SIPA1L1: variants seen among roughly 807,000 people sequenced by gnomAD.
The protein encoded by SIPA1L1 is signal induced proliferation associated 1 like 1, also known as signal-induced proliferation-associated 1-like protein 1.
In SIPA1L1, 26 loss-of-function variants were observed where a neutral mutation model predicts 162.7. That is an observed-to-expected ratio of 0.16 (90% CI 0.12 to 0.22). SIPA1L1 has a LOEUF of 0.22. Among genes scored for constraint, SIPA1L1 ranks in the 10% least tolerant of loss-of-function variants. The pLI is 1.00. For missense variants in SIPA1L1, 1,874 were observed against 2,241.0 expected (o/e 0.84, Z 3.31); for synonymous variants, 829 against 837.4 (o/e 0.99, Z 0.17).
At position 71,634,453 on chromosome 14, in the gene SIPA1L1, AT is replaced by A. The variant is rs577269874; in HGVS notation, c.1818+10229del. ...AAGGGAAGAACAATTTGAATCACAG[AT>A]TTTTTTTTTTTATCAGAAATCATGG... On this transcript the variant is annotated intron_variant, in intron 7 of 23. Transcript: ENST00000381232. Among the ~76,000 whole-genome samples the A allele has an allele frequency of 2.7e-3, 396 of 145,540 alleles. 1 individual carries two copies. Among genetic ancestry groups the A allele is most frequent in the East Asian group, 6.9e-3 (35 of 5,060 alleles).
intron 2 of SIPA1L1, among the ~76,000 whole-genome samples, chr14:71,510,815 T>C (rs765403621): frequency 5.3e-5 from 8 of 152,154 alleles, no homozygotes; most frequent in Non-Finnish European, 1.2e-4. Flanking sequence ...TCCTGAAACA[T>C]TATTAGCTTA....
At chr14:71,651,747 G>T (rs1382361624) in intron 8 of SIPA1L1, among the ~76,000 whole-genome samples, 1 of 152,166 alleles carries the variant, frequency 6.6e-6, no homozygotes, top group Admixed American at 6.5e-5. Context: ...ACTGGGAGTT[G>T]ATAAGATTGT....
In SIPA1L1 at chr14:71,645,310, T is replaced by C. The variant is rs181224515; in HGVS notation, c.1819-5025T>C. Among the ~76,000 whole-genome samples the C allele has an allele frequency of 3.3e-5, 5 of 152,344 alleles. No homozygotes were observed. The East Asian group carries it at 9.6e-4, about 29-fold the overall frequency. On this transcript the variant is annotated intron_variant, in intron 7 of 23. Transcript: ENST00000381232. Reference sequence around the variant, plus strand: ...CCATCTGTTAATTGGCAATCTTAAGTCCTTCTATAATCTATGCTCCCCTTT... The same window carrying C: ...CCATCTGTTAATTGGCAATCTTAAGCCCTTCTATAATCTATGCTCCCCTTT...
intron 2 of SIPA1L1, among the ~76,000 whole-genome samples, chr14:71,409,754 G>A (rs577466954): frequency 6.6e-6 from 1 of 152,270 alleles, no homozygotes; most frequent in South Asian, 2.1e-4. Context: ...CATCACATTG[G>A]CTACTTAGTC....
intron 4 of SIPA1L1, among the ~76,000 whole-genome samples, chr14:71,544,106 TGTATATACAC>T (rs1362222989): frequency 6.6e-6 from 1 of 151,712 alleles, no homozygotes; most frequent in African/African-American, 2.4e-5. Context: ...CGCACATGTA[TGTATATACAC>T]ATATATGCAC....
At chr14:71,417,420 C>T (rs1226960816) in intron 2 of SIPA1L1, among the ~76,000 whole-genome samples, 16 of 117,554 alleles carry the variant, frequency 1.4e-4, no homozygotes, top group African/African-American at 4.4e-4. Context: ...TGCAGTGAGC[C>T]GAGATTGCGC....
intron 2 of SIPA1L1, among the ~76,000 whole-genome samples, chr14:71,343,640 T>C (rs1488470248): frequency 6.6e-6 from 1 of 152,064 alleles, no homozygotes; most frequent in Non-Finnish European, 1.5e-5. Context: ...AAAAAATGGC[T>C]TCTAAAAACA....
intron 2 of SIPA1L1, among the ~76,000 whole-genome samples, chr14:71,419,758 A>G (rs1296580440): frequency 6.6e-6 from 1 of 151,722 alleles, no homozygotes; most frequent in Non-Finnish European, 1.5e-5. Context: ...CGGCCTCCCA[A>G]AGTGCTGGGA....
In SIPA1L1 at chr14:71,692,263, A is replaced by G. The variant is rs577636812; in HGVS notation, c.3374+6632A>G. On this transcript the variant is annotated intron_variant, in intron 13 of 23. Coordinates refer to ENST00000381232, the MANE Select transcript of SIPA1L1 (RefSeq NM_001386936.1). ...TAAAGCTATAGCATTAAACATAGATATAAGTAGAATTATTTGGTTTTTGTT... is the reference window on the plus strand; with the variant it reads ...TAAAGCTATAGCATTAAACATAGATGTAAGTAGAATTATTTGGTTTTTGTT... Among the ~76,000 whole-genome samples, 5 of 152,356 alleles carry G rather than the reference A, an allele frequency of 3.3e-5. No homozygotes were observed. The South Asian group carries it at 1.0e-3, about 32-fold the overall frequency.
chr14:71,516,705 G>A (rs1272132356), intron 3 of SIPA1L1, among the ~76,000 whole-genome samples: 2 of 151,952 alleles, frequency 1.3e-5, no homozygotes, highest in Non-Finnish European at 2.9e-5. Flanking sequence ...GGGTGTGGTG[G>A]CTCACGCCTG....
chr14:71,475,602 A>G (rs2047783346), intron 2 of SIPA1L1, among the ~76,000 whole-genome samples: 1 of 152,244 alleles, frequency 6.6e-6, no homozygotes, highest in South Asian at 2.1e-4. Context: ...ACATTTGAAA[A>G]ATAGAGAAAA....
intron 4 of SIPA1L1, among the ~76,000 whole-genome samples, chr14:71,533,286 G>A (rs1195050195): frequency 6.6e-6 from 1 of 152,068 alleles, no homozygotes; most frequent in Non-Finnish European, 1.5e-5. Flanking sequence ...AAAGTTGAAG[G>A]CATTTATAAG....
At chr14:71,682,603 G>A (rs1387489395) in intron 12 of SIPA1L1, among the ~76,000 whole-genome samples, 1 of 152,204 alleles carries the variant, frequency 6.6e-6, no homozygotes, top group Non-Finnish European at 1.5e-5. Flanking sequence ...AAAGTTTCTA[G>A]TTATATGTTA....
At chr14:71,434,869 C>T (rs2044257174) in intron 2 of SIPA1L1, among the ~76,000 whole-genome samples, 1 of 152,230 alleles carries the variant, frequency 6.6e-6, no homozygotes, top group Non-Finnish European at 1.5e-5. Flanking sequence ...GTATGAGCCA[C>T]TGTGCCCAGC....
chr14:71,671,508 A>G lies in SIPA1L1; in HGVS notation c.2645A>G (p.Asn882Ser), dbSNP rs138550556. 503 of 1,614,222 alleles carry G rather than the reference A, an allele frequency of 3.1e-4. No individual in the cohort carries two copies. Among genetic ancestry groups the G allele is most frequent in the African/African-American group, 2.4e-3 (181 of 75,064 alleles). The change falls in exon 11 of 24, where the codon AAT (asparagine) becomes AGT (serine). Residue 882 changes from asparagine (N) to serine (S), a missense_variant. This residue lies in a region of SIPA1L1 where 243 missense variants were observed against 315.0 expected (regional missense o/e 0.77). Transcript: ENST00000381232. ...CTAGACTGCCTTTTAGGGATCTCCA[A>G]TGAGTTCATTGTGCTCATTGAACAG... ...MELDCLLGIS[N>S]EFIVLIEQET...
At chr14:71,371,978 A>G (rs2038933740) in intron 2 of SIPA1L1, among the ~76,000 whole-genome samples, 1 of 152,180 alleles carries the variant, frequency 6.6e-6, no homozygotes, top group Non-Finnish European at 1.5e-5. Context: ...GTTTAACATG[A>G]TTGCTGAATG....
intron 2 of SIPA1L1, among the ~76,000 whole-genome samples, chr14:71,409,545 AAAAGGACTGGGTCCTTTTGGAG>A (rs1382520360): frequency 6.6e-6 from 1 of 152,200 alleles, no homozygotes. Flanking sequence ...CACCTTTAGT[AAAAGGACTGGGTCCTTTTGGAG>A]AAAGGACCTT....
chr14:71,538,832 AAGG>A (rs1374723864), intron 4 of SIPA1L1, among the ~76,000 whole-genome samples: 3 of 152,230 alleles, frequency 2.0e-5, no homozygotes, highest in East Asian at 1.9e-4. Flanking sequence ...AGAAAGGAAA[AAGG>A]AGAGAAAGAA....
intron 21 of SIPA1L1, among the ~76,000 whole-genome samples, chr14:71,734,929 T>C (rs2085146900): frequency 6.6e-6 from 1 of 152,200 alleles, no homozygotes; most frequent in Non-Finnish European, 1.5e-5. Flanking sequence ...TAATGCTAGC[T>C]CTCGAACGCA....
Sources: gnomAD v4.1 joint callset for allele counts (sites outside exome capture counted in the v4.1 genomes callset) on GRCh38, gnomAD v4.1.1 for gene constraint, gnomAD v4.1.1 regional missense constraint, MANE v1.5 for transcripts, NCBI Gene and HGNC (gene_info 2026-07-23, HGNC 2026-07-21) for gene names.